Variants in CFTR observed in about 807,000 individuals in gnomAD.
CFTR encodes the protein cystic fibrosis transmembrane conductance regulator.
A neutral mutation model predicts 171.6 loss-of-function variants in CFTR; 181 were observed. The ratio of observed to expected loss-of-function variants is 1.05; its 90% CI spans 0.93 to 1.19. The LOEUF is 1.19. CFTR is among the 50% of genes most tolerant of loss of function. CFTR has a pLI of 0.00. For synonymous variants in CFTR, 583 were observed against 608.0 expected, an observed-to-expected ratio of 0.96 and a Z score of 0.60; for missense variants, 1,968 against 1,734.7, an observed-to-expected ratio of 1.13 and a Z score of -2.39.
chr7:117,561,047 T>A (rs371076335), intron 11 of CFTR, among the ~76,000 whole-genome samples: 31 of 152,256 alleles, frequency 2.0e-4, no homozygotes, highest in African/African-American at 7.5e-4. Flanking sequence ...CCTTTAAAAG[T>A]ATATTTAGCC....
At chr7:117,516,949 T>A (rs1562886059) in intron 3 of CFTR, among the ~76,000 whole-genome samples, 1 of 152,278 alleles carries the variant, frequency 6.6e-6, no homozygotes, top group Non-Finnish European at 1.5e-5. Context: ...TTTTTTCTTT[T>A]TCTTTTTTCT....
In CFTR at chr7:117,535,293, G is replaced by T. The variant is rs397508772; in HGVS notation, c.625G>T (p.Ala209Ser). Reference protein sequence around the residue: ...HFVWIAPLQVALLMGLIWELL... With the variant: ...HFVWIAPLQVSLLMGLIWELL... Reference sequence around the variant, plus strand: ...CGTGTGGATCGCTCCTTTGCAAGTGGCACTCCTCATGGGGCTAATCTGGGA... The same window carrying T: ...CGTGTGGATCGCTCCTTTGCAAGTGTCACTCCTCATGGGGCTAATCTGGGA... Residue 209 changes from alanine (A) to serine (S), a missense_variant, in exon 6 of 27, where the codon GCA (alanine) becomes TCA (serine). Ala to Ser is a moderately conservative substitution (Grantham distance 99). Transcript: ENST00000003084. The T allele has an allele frequency of 7.8e-5, 126 of 1,613,558 alleles. No homozygotes were observed. The highest frequency in any genetic ancestry group is 1.1e-4 in the Non-Finnish European group (124 of 1,179,890).
chr7:117,596,249 C>T (rs911533442), intron 15 of CFTR, among the ~76,000 whole-genome samples: 19 of 152,224 alleles, frequency 1.2e-4, no homozygotes, highest in African/African-American at 4.6e-4. Flanking sequence ...AGCAGCCGGC[C>T]GGCCCCGCGA....
At chr7:117,612,006 G>GATATATATATATATGTATATATAT in intron 20 of CFTR, among the ~76,000 whole-genome samples, 198 bp downstream of exon 20, 2 of 76,774 alleles carry the variant, frequency 2.6e-5, no homozygotes, top group East Asian at 4.6e-4. Context: ...CTTGAAATCG[G>GATATATATATATATGTATATATAT]ATATATATAT....
intron 11 of CFTR, among the ~76,000 whole-genome samples, chr7:117,566,705 A>G (rs763532636): frequency 1.3e-5 from 2 of 152,246 alleles, no homozygotes; most frequent in Non-Finnish European, 2.9e-5. Flanking sequence ...TTGAAAATAA[A>G]TGCTAGCTAA....
chr7:117,633,951 G>A (rs1316908895), intron 22 of CFTR, among the ~76,000 whole-genome samples: 1 of 152,050 alleles, frequency 6.6e-6, no homozygotes, highest in African/African-American at 2.4e-5. Flanking sequence ...ATATTGGTGT[G>A]TAGTTTTTTG....
intron 20 of CFTR, among the ~76,000 whole-genome samples, chr7:117,613,410 T>C (rs1792434810): frequency 6.6e-6 from 1 of 152,172 alleles, no homozygotes; most frequent in South Asian, 2.1e-4. Context: ...GGTCTTCAGC[T>C]GTGTTAACTT....
intron 24 of CFTR, among the ~76,000 whole-genome samples, chr7:117,664,075 T>C (rs1793328933): frequency 6.6e-6 from 1 of 152,250 alleles, no homozygotes; most frequent in Admixed American, 6.5e-5. Flanking sequence ...TTCATAGTTT[T>C]ACCTATTTGT....
In CFTR at chr7:117,611,932, G is replaced by T. The variant is rs1251356709; in HGVS notation, c.3367+124G>T. The T allele has an allele frequency of 9.6e-6, 6 of 626,912 alleles. No homozygotes were observed. In the African/African-American group the frequency reaches 9.6e-5, roughly 10 times the overall value. 38.8% of individuals were successfully genotyped at this position (626,912 alleles called of 1,614,324 possible). A position where few individuals can be genotyped will look rare whatever the true frequency, so the allele number is the denominator to read the frequency against. Reference sequence around the variant, plus strand: ...GAGTTTAGTAATTAACAAATTTGTTGGTTTATTATTGAACAAGTGATTTCT... The same window carrying T: ...GAGTTTAGTAATTAACAAATTTGTTTGTTTATTATTGAACAAGTGATTTCT... On this transcript the variant is annotated intron_variant, in intron 20 of 26. Transcript: ENST00000003084.
In CFTR at chr7:117,668,202, A is replaced by G. The variant is rs1209599428; in HGVS notation, c.*1094A>G. On this transcript the variant is annotated 3_prime_UTR_variant, in exon 27 of 27. Coordinates refer to ENST00000003084, the MANE Select transcript of CFTR (RefSeq NM_000492.4). The stretch of plus-strand genomic sequence containing the variant: ...TAGTTTTATATGCTTCTGTTTTATA[A>G]TTTTGTGAAGCAAAATTTTTTCTCT... The G allele has an allele frequency of 6.6e-6, 1 of 152,208 alleles. No individual in the cohort carries two copies. Among genetic ancestry groups the G allele is most frequent in the Admixed American group, 6.5e-5 (1 of 15,278 alleles). The allele number at this position is 152,208 out of a possible 1,614,324, so 9.4% of individuals were successfully genotyped here. A position where few individuals can be genotyped will look rare whatever the true frequency, so the allele number is the denominator to read the frequency against.
rs182739811 is a variant in CFTR, at chr7:117,506,443, G to A, written c.164+2080G>A. Among the ~76,000 whole-genome samples the A allele has an allele frequency of 9.1e-4, 139 of 152,118 alleles. 2 individuals carry two copies. Among genetic ancestry groups the A allele is most frequent in the Non-Finnish European group, 1.4e-3 (95 of 67,982 alleles). ...TGTATTTTAGTAGATGTGGAGTTTC[G>A]CCATGTTGGCCAGGCTGGTCTTGAA... On this transcript the variant is annotated intron_variant, in intron 2 of 26. Transcript: ENST00000003084.
chr7:117,648,432 AG>A (rs1306097215), intron 23 of CFTR, among the ~76,000 whole-genome samples: 2 of 152,104 alleles, frequency 1.3e-5, no homozygotes, highest in African/African-American at 2.4e-5. Flanking sequence ...TGTAGCAAAA[AG>A]GTTTGTCACC....
Position 117,592,447 on chromosome 7 carries a change from G to C in CFTR, c.2280G>C (p.Thr760=). The change falls in exon 14 of 27, where the codon ACG becomes ACC. Residue 760 remains threonine (T), a synonymous_variant. Coordinates refer to ENST00000003084, the MANE Select transcript of CFTR (RefSeq NM_000492.4). ...TCAGCGTGATCAGCACTGGCCCCAC[G>C]CTTCAGGCACGAAGGAGGCAGTCTG... ...PRISVISTGP[T]LQARRRQSVL... The C allele has an allele frequency of 6.3e-7, 1 of 1,595,232 alleles. No homozygotes were observed. Among genetic ancestry groups the C allele is most frequent in the Non-Finnish European group, 8.5e-7 (1 of 1,170,986 alleles).
At chr7:117,540,497 T>C (rs1463060113) in intron 8 of CFTR, 151 bp downstream of exon 8, 1 of 694,662 alleles carries the variant, frequency 1.4e-6, no homozygotes, top group Non-Finnish European at 2.4e-6. Flanking sequence ...ATACTAGGAA[T>C]GTTCACCTTA....
intron 11 of CFTR, among the ~76,000 whole-genome samples, chr7:117,571,638 A>G (rs778930937): frequency 2.0e-5 from 3 of 152,290 alleles, no homozygotes; most frequent in Non-Finnish European, 2.9e-5. Context: ...TATCTTTTCC[A>G]ATATTATTTC....
chr7:117,665,958 C>G (rs575253347), intron 26 of CFTR, among the ~76,000 whole-genome samples: 3 of 152,248 alleles, frequency 2.0e-5, no homozygotes, highest in African/African-American at 7.2e-5. Context: ...GTCTTACAGT[C>G]TGATTTATGG....
intron 11 of CFTR, among the ~76,000 whole-genome samples, chr7:117,560,123 G>A (rs1467637682): frequency 6.6e-6 from 1 of 152,004 alleles, no homozygotes; most frequent in African/African-American, 2.4e-5. Flanking sequence ...GAATTAGAGG[G>A]GTAAAATTGT....
intron 2 of CFTR, among the ~76,000 whole-genome samples, chr7:117,505,151 A>G (rs1366755191): frequency 6.6e-6 from 1 of 152,152 alleles, no homozygotes. Flanking sequence ...TCTCTATTTT[A>G]CAGAAAAGCA....
intron 7 of CFTR, among the ~76,000 whole-genome samples, 155 bp downstream of exon 7, chr7:117,536,828 A>T (rs560167674): frequency 6.6e-6 from 1 of 152,330 alleles, no homozygotes; most frequent in Admixed American, 6.5e-5. Context: ...TTAGTTGCAC[A>T]AATTCACTTT....
Sources: gnomAD v4.1 joint callset for allele counts (sites outside exome capture counted in the v4.1 genomes callset) on GRCh38, gnomAD v4.1.1 for gene constraint, MANE v1.5 for transcripts, NCBI Gene and HGNC (gene_info 2026-07-23, HGNC 2026-07-21) for gene names.